The following BBS10 variants were observed in gnomAD, a reference collection of about 807,000 sequenced individuals.
BBS10 encodes the protein Bardet-Biedl syndrome 10, also known as BBSome complex assembly protein BBS10.
A neutral mutation model predicts 12.7 loss-of-function variants in BBS10; 13 were observed. That is an observed-to-expected ratio of 1.03 (90% CI 0.67 to 1.63). The LOEUF (loss-of-function observed/expected upper bound fraction) is 1.63. BBS10 is among the 40% of genes most tolerant of loss of function. BBS10 has a pLI of 0.00. For missense variants in BBS10, 858 were observed against 858.0 expected, an observed-to-expected ratio of 1.00 and a Z score of 0.00; for synonymous variants, 294 against 304.8, an observed-to-expected ratio of 0.96 and a Z score of 0.37.
chr12:76,347,155 A>G lies in BBS10; in HGVS notation c.830T>C (p.Leu277Pro). ...TGTCTGAAACTGTGCTTCTGAATTTAGAATAAACTCTGATCCAGAAGTGGA... is the reference window on the plus strand; with the variant it reads ...TGTCTGAAACTGTGCTTCTGAATTTGGAATAAACTCTGATCCAGAAGTGGA... ...LFSTSGSEFILNSEAQFQTSQ... is the reference protein window; with the variant it reads ...LFSTSGSEFIPNSEAQFQTSQ... Residue 277 changes from leucine to proline, a missense_variant, in exon 2 of 2, where the codon CTA becomes CCA. Transcript: ENST00000650064. 1 of 1,611,354 alleles carries G rather than the reference A, an allele frequency of 6.2e-7. No individual in the cohort carries two copies. Among genetic ancestry groups the G allele is most frequent in the East Asian group, 2.2e-5 (1 of 44,878 alleles).
Position 76,347,015 on chromosome 12 carries a change from C to A in BBS10, c.970G>T (p.Gly324Trp). The A allele has an allele frequency of 6.2e-7, 1 of 1,612,548 alleles. No individual in the cohort carries two copies. The highest frequency in any genetic ancestry group is 8.5e-7 in the Non-Finnish European group (1 of 1,179,980). The change falls in exon 2 of 2, where the codon GGG becomes TGG. Residue 324 changes from glycine to tryptophan, a missense_variant. Transcript: ENST00000650064. ...TCAACCACTGATATGCCATTCACCC[C>A]TGCATAATAACTAACTAAATCTGGT... ...KQPDLVSYYAGVNGISVVECL... is the reference protein window; with the variant it reads ...KQPDLVSYYAWVNGISVVECL...
At chr12:76,348,018 T>C in intron 1 of BBS10, 144 bp downstream of exon 1, 1 of 1,033,664 alleles carries the variant, frequency 9.7e-7, no homozygotes. Flanking sequence ...GAGTGTTCCC[T>C]TGGGCAGGGC....
In BBS10 at chr12:76,346,128, T is replaced by G; in HGVS notation, c.1857A>C (p.Lys619Asn). 6.2e-7 allele frequency: 1 copy of G among 1,608,172 alleles called. No individual in the cohort carries two copies. The highest frequency in any genetic ancestry group is 8.5e-7 in the Non-Finnish European group (1 of 1,178,098). Residue 619 changes from lysine to asparagine, a missense_variant, in exon 2 of 2, where the codon AAA becomes AAC. Transcript: ENST00000650064. ...TGGTTTCTTCTGATTGATGGCATTT[T>G]TTGGCATAATTGAGAAGATAGTAAT... is the stretch of plus-strand genomic sequence containing the variant. ...LLHYYLLNYA[K>N]KCHQSEETMV...
chr12:76,347,299 G>A lies in BBS10; in HGVS notation c.686C>T (p.Pro229Leu), dbSNP rs1230692815. 2 of 1,613,866 alleles carry A rather than the reference G, an allele frequency of 1.2e-6. No homozygotes were observed. Among genetic ancestry groups the A allele is most frequent in the Non-Finnish European group, 1.7e-6 (2 of 1,180,014 alleles). The change falls in exon 2 of 2, where the codon CCT becomes CTT. Residue 229 changes from proline (P) to leucine (L), a missense_variant. Transcript: ENST00000650064. ...VELNVGVTGL[P>L]VSDSRIIAGL... ...AGCTATGATCCTGGAATCTGAAACA[G>A]GAAGGCCAGTGACACCAACATTCAA...
In BBS10 at chr12:76,346,946, C is replaced by G. The variant is rs747097629; in HGVS notation, c.1039G>C (p.Gly347Arg). 6.2e-7 allele frequency: 1 copy of G among 1,611,080 alleles called. No homozygotes were observed. Among genetic ancestry groups the G allele is most frequent in the African/African-American group, 1.3e-5 (1 of 75,020 alleles). Residue 347 changes from glycine to arginine, a missense_variant, in exon 2 of 2, where the codon GGT (glycine) becomes CGT (arginine). Transcript: ENST00000650064. ...TGTGGTGGTACAAATGGAGAAAGAC[C>G]AATGATCCTCCGGATAAGAGAAACT... ...EEVSLIRRII[G>R]LSPFVPPQAF...
rs770888491 is a variant in BBS10 at position 76,348,339 on chromosome 12, G to T, written c.20C>A (p.Ala7Asp). Reference protein sequence around the residue: MLSSMAAAGSVKAALQV... With the variant: MLSSMADAGSVKAALQV... Reference sequence around the variant, plus strand: ...CAACGCCGCCTTCACAGACCCTGCAGCGGCCATAGAACTTAACATATCTGG... The same window carrying T: ...CAACGCCGCCTTCACAGACCCTGCATCGGCCATAGAACTTAACATATCTGG... The change falls in exon 1 of 2, where the codon GCT becomes GAT. Residue 7 changes from alanine to aspartate, a missense_variant. Physicochemically the swap from Ala to Asp is moderately radical, Grantham distance 126. Transcript: ENST00000650064. 1 of 1,599,670 alleles carries T rather than the reference G, an allele frequency of 6.3e-7. No homozygotes were observed. The highest frequency in any genetic ancestry group is 1.1e-5 in the South Asian group (1 of 89,256).
rs191208685 is a variant in BBS10 at position 76,344,484 on chromosome 12, T to C, written c.*1329A>G. On this transcript the variant is annotated 3_prime_UTR_variant, in exon 2 of 2. Transcript: ENST00000650064. ...AAATGAAAAAAATTATGCAGCAGTTTTAAAGTTCATTCATCCATGAATTCA... is the reference window on the plus strand; with the variant it reads ...AAATGAAAAAAATTATGCAGCAGTTCTAAAGTTCATTCATCCATGAATTCA... 1 of 152,248 alleles carries C rather than the reference T, an allele frequency of 6.6e-6. No homozygotes were observed. Among genetic ancestry groups the C allele is most frequent in the Admixed American group, 6.5e-5 (1 of 15,284 alleles). 9.4% of individuals were successfully genotyped at this position (152,248 alleles called of 1,614,324 possible).
In BBS10 at chr12:76,345,969, T is replaced by C; in HGVS notation, c.2016A>G (p.Val672=). The C allele has an allele frequency of 6.2e-7, 1 of 1,614,074 alleles. No homozygotes were observed. Among genetic ancestry groups the C allele is most frequent in the Non-Finnish European group, 8.5e-7 (1 of 1,179,942 alleles). ...VHALQTNQPL[V]SSQTGLESVM... The stretch of plus-strand genomic sequence containing the variant: ...CTGATTCCAAACCTGTCTGACTGCT[T>C]ACCAAGGGTTGATTGGTTTGCAGTG... Residue 672 remains valine, a synonymous_variant, in exon 2 of 2, where the codon GTA becomes GTG. Transcript: ENST00000650064.
chr12:76,344,899 T>C lies in BBS10; in HGVS notation c.*914A>G, dbSNP rs1286998839. On this transcript the variant is annotated 3_prime_UTR_variant, in exon 2 of 2. Transcript: ENST00000650064. ...TATTTACATTGACAAGTTTTTAAAATATGAACATTTGTAAATGAAATAAAT... is the reference window on the plus strand; with the variant it reads ...TATTTACATTGACAAGTTTTTAAAACATGAACATTTGTAAATGAAATAAAT... The C allele has an allele frequency of 6.6e-6, 1 of 152,062 alleles. No individual in the cohort carries two copies. The highest frequency in any genetic ancestry group is 1.5e-5 in the Non-Finnish European group (1 of 67,950). 9.4% of individuals were successfully genotyped at this position (152,062 alleles called of 1,614,324 possible). A position where few individuals can be genotyped will look rare whatever the true frequency, so the allele number is the denominator to read the frequency against.
In BBS10 at chr12:76,346,094, T is replaced by A; in HGVS notation, c.1891A>T (p.Met631Leu). ...CCTAAAAGTGCATTAGCTATTATCATACTAACCATGGTTTCTTCTGATTGA... is the reference window on the plus strand; with the variant it reads ...CCTAAAAGTGCATTAGCTATTATCAAACTAACCATGGTTTCTTCTGATTGA... ...CHQSEETMVSMIIANALLGIP... is the reference protein window; with the variant it reads ...CHQSEETMVSLIIANALLGIP... The change falls in exon 2 of 2, where the codon ATG becomes TTG. Residue 631 changes from methionine (M) to leucine (L), a missense_variant. Transcript: ENST00000650064. 6.2e-7 allele frequency: 1 copy of A among 1,612,200 alleles called. No individual in the cohort carries two copies. Among genetic ancestry groups the A allele is most frequent in the Non-Finnish European group, 8.5e-7 (1 of 1,179,494 alleles).
chr12:76,346,653 A>T lies in BBS10; in HGVS notation c.1332T>A (p.Ser444Arg). 1 of 1,614,024 alleles carries T rather than the reference A, an allele frequency of 6.2e-7. No individual in the cohort carries two copies. Among genetic ancestry groups the T allele is most frequent in the South Asian group, 1.1e-5 (1 of 91,078 alleles). Residue 444 changes from serine to arginine, a missense_variant, in exon 2 of 2, where the codon AGT (serine) becomes AGA (arginine). Ser to Arg is a moderately radical substitution (Grantham distance 110). Transcript: ENST00000650064. Reference protein sequence around the residue: ...TQTNDQNGTSSLFIYKNSGES... With the variant: ...TQTNDQNGTSRLFIYKNSGES... ...CTCCACTGTTCTTATAAATAAAAAG[A>T]CTTGAAGTGCCATTTTGGTCATTGG...
In BBS10 at chr12:76,347,397, GTC is replaced by G; in HGVS notation, c.586_587del (p.Asp196LeufsTer9). On this transcript the variant is annotated frameshift_variant, in exon 2 of 2. Coordinates refer to ENST00000650064, the MANE Select transcript of BBS10 (RefSeq NM_024685.4). LOFTEE classifies it low-confidence loss of function (END_TRUNC). ...TACAAGTCATACACTTGAAAAAGTA[GTC>G]ACACATCAACTGTGAAATAAATTTA... Reference protein sequence around the residue: ...NHKFISQLMCDYFFKCMTCKS... With the variant: ...NHKFISQLMCXYFFKCMTCKS... The G allele has an allele frequency of 6.2e-7, 1 of 1,614,024 alleles. No individual in the cohort carries two copies.
Position 76,345,420 on chromosome 12 carries a change from G to C in BBS10, c.*393C>G, listed in dbSNP as rs1307757939. ...TCAATATTAAAAACAATTAGAATAA[G>C]CCCACCCAAATCAGAGATTAAATGA... On this transcript the variant is annotated 3_prime_UTR_variant, in exon 2 of 2. Coordinates refer to ENST00000650064, the MANE Select transcript of BBS10 (RefSeq NM_024685.4). 5.6e-6 allele frequency: 1 copy of C among 180,086 alleles called. No individual in the cohort carries two copies. Among genetic ancestry groups the C allele is most frequent in the Non-Finnish European group, 1.2e-5 (1 of 83,616 alleles). 11.2% of individuals were successfully genotyped at this position (180,086 alleles called of 1,614,324 possible). A position where few individuals can be genotyped will look rare whatever the true frequency, so the allele number is the denominator to read the frequency against.
chr12:76,345,292 T>A lies in BBS10; in HGVS notation c.*521A>T, dbSNP rs1480646876. 6.5e-6 allele frequency: 1 copy of A among 152,730 alleles called. No individual in the cohort carries two copies. The highest frequency in any genetic ancestry group is 2.1e-4 in the South Asian group (1 of 4,856). The allele number at this position is 152,730 out of a possible 1,614,324, so 9.5% of individuals were successfully genotyped here. A position where few individuals can be genotyped will look rare whatever the true frequency, so the allele number is the denominator to read the frequency against. On this transcript the variant is annotated 3_prime_UTR_variant, in exon 2 of 2. Coordinates refer to ENST00000650064, the MANE Select transcript of BBS10 (RefSeq NM_024685.4). ...TTTTTGAAAAAAAATTTGAGCCTTT[T>A]ACTCACTGCTAATTTAATTTTATGC... is the stretch of plus-strand genomic sequence containing the variant.
In BBS10 at chr12:76,346,037, C is replaced by T. The variant is rs756768992; in HGVS notation, c.1948G>A (p.Gly650Arg). The T allele has an allele frequency of 1.2e-6, 2 of 1,613,936 alleles. No homozygotes were observed. The highest frequency in any genetic ancestry group is 1.7e-6 in the Non-Finnish European group (2 of 1,179,920). Residue 650 changes from glycine (G) to arginine (R), a missense_variant, in exon 2 of 2, where the codon GGA (glycine) becomes AGA (arginine). Gly to Arg is a moderately radical substitution (Grantham distance 125). Transcript: ENST00000650064. The stretch of plus-strand genomic sequence containing the variant: ...TATGTATGTGGAAAGCTGTACTTTC[C>T]TGTTTTAGATTTATAAAGGACTTTG... ...IPKVLYKSKTGKYSFPHTYIR... is the reference protein window; with the variant it reads ...IPKVLYKSKTRKYSFPHTYIR...
intron 1 of BBS10, 145 bp from the exon 2 acceptor site, chr12:76,347,932 TG>T: frequency 9.2e-7 from 1 of 1,082,272 alleles, no homozygotes; most frequent in Non-Finnish European, 1.3e-6. Context: ...GAAAAAACTC[TG>T]CTCTATTCCA....
rs145838463 is a variant in BBS10, at chr12:76,346,007, T to G, written c.1978A>C (p.Arg660=). Residue 660 remains arginine, a synonymous_variant, in exon 2 of 2, where the codon AGA becomes CGA. Coordinates refer to ENST00000650064, the MANE Select transcript of BBS10 (RefSeq NM_024685.4). ...TTGGTTTGCAGTGCATGGACAGCTC[T>G]TATATATGTATGTGGAAAGCTGTAC... ...GKYSFPHTYI[R]AVHALQTNQP... 4.3e-6 allele frequency: 7 copies of G among 1,613,914 alleles called. No homozygotes were observed. Among genetic ancestry groups the G allele is most frequent in the Non-Finnish European group, 5.9e-6 (7 of 1,179,922 alleles).
At position 76,347,378 on chromosome 12, in the gene BBS10, T is replaced by C. The variant is rs753138845; in HGVS notation, c.607A>G (p.Thr203Ala). 119 of 1,614,050 alleles carry C rather than the reference T, an allele frequency of 7.4e-5. 3 individuals are homozygous for C. The South Asian group carries it at 1.3e-3, about 17-fold the overall frequency. Residue 203 changes from threonine (T) to alanine (A), a missense_variant, in exon 2 of 2, where the codon ACT (threonine) becomes GCT (alanine). Thr to Ala is a moderately conservative substitution (Grantham distance 58). Transcript: ENST00000650064. ...LMCDYFFKCMTCKSGIGVFEL... is the reference protein window; with the variant it reads ...LMCDYFFKCMACKSGIGVFEL... ...AATACACCAATCCCACTTTTACAAG[T>C]CATACACTTGAAAAAGTAGTCACAC...
At chr12:76,348,045 C>CAGCG in intron 1 of BBS10, 117 bp downstream of exon 1, 1 of 1,218,380 alleles carries the variant, frequency 8.2e-7, no homozygotes, top group Admixed American at 2.4e-5. Context: ...TCCGAGCATA[C>CAGCG]AGCGGTTTCA....
Sources: gnomAD v4.1 joint callset for allele counts on GRCh38, gnomAD v4.1.1 for gene constraint, MANE v1.5 for transcripts, NCBI Gene and HGNC (gene_info 2026-07-23, HGNC 2026-07-21) for gene names.